KIF26A: variants seen among roughly 807,000 people sequenced by gnomAD.
KIF26A encodes kinesin-like protein KIF26A.
A neutral mutation model predicts 126.0 loss-of-function variants in KIF26A; 74 were observed. That is an observed-to-expected ratio of 0.59 (90% CI 0.49 to 0.71). The LOEUF (loss-of-function observed/expected upper bound fraction) is 0.71. Ranked by LOEUF, KIF26A falls within the 30% of genes least tolerant of loss-of-function variation. KIF26A has a pLI of 0.00. For missense variants in KIF26A, 2,984 were observed against 2,763.3 expected (o/e 1.08, Z -1.79); for synonymous variants, 1,445 against 1,232.7 (o/e 1.17, Z -3.61).
At chr14:104,140,055 C>A (rs113016847) in intron 2 of KIF26A, among the ~76,000 whole-genome samples, 1 of 152,168 alleles carries the variant, frequency 6.6e-6, no homozygotes, top group Non-Finnish European at 1.5e-5. Context: ...AGCCCGCTGC[C>A]GGGCCTTCAG....
chr14:104,168,303 G>T (rs552441937), intron 5 of KIF26A, among the ~76,000 whole-genome samples: 3 of 152,328 alleles, frequency 2.0e-5, no homozygotes, highest in African/African-American at 4.8e-5. Context: ...CCCCCTGCCC[G>T]CCCGGTGATG....
At chr14:104,165,023 C>G (rs1566860515) in intron 4 of KIF26A, among the ~76,000 whole-genome samples, 1 of 149,938 alleles carries the variant, frequency 6.7e-6, no homozygotes, top group East Asian at 2.0e-4. Context: ...GGGTGTGCCT[C>G]TGTGTGTGTC....
chr14:104,162,886 G>T (rs1162240922), intron 4 of KIF26A, among the ~76,000 whole-genome samples: 1 of 152,118 alleles, frequency 6.6e-6, no homozygotes, highest in Non-Finnish European at 1.5e-5. Flanking sequence ...AGGGTGGGGG[G>T]CTTCCCACCT....
Position 104,176,887 on chromosome 14 carries a change from C to G in KIF26A, c.4099C>G (p.Arg1367Gly), listed in dbSNP as rs753377724. 6.5e-7 allele frequency: 1 copy of G among 1,541,780 alleles called. No individual in the cohort carries two copies. Among genetic ancestry groups the G allele is most frequent in the Admixed American group, 2.0e-5 (1 of 50,928 alleles). Residue 1367 changes from arginine to glycine, a missense_variant, in exon 12 of 15, where the codon CGG becomes GGG. Arg to Gly is a moderately radical substitution (Grantham distance 125). Transcript: ENST00000423312. Reference protein sequence around the residue: ...SGAAPPAPPTRKSSLEQRSSP... With the variant: ...SGAAPPAPPTGKSSLEQRSSP... ...GGCGGCCCCCCCGGCCCCACCCACG[C>G]GGAAGTCCAGCCTGGAGCAGAGGAG...
At chr14:104,166,562 G>A (rs551090463) in intron 4 of KIF26A, among the ~76,000 whole-genome samples, 1 of 152,132 alleles carries the variant, frequency 6.6e-6, no homozygotes, top group Admixed American at 6.5e-5. Context: ...TTGGTGGGGG[G>A]ATGGCATTCA....
In KIF26A at chr14:104,173,530, C is replaced by A; in HGVS notation, c.1867+17C>A. On this transcript the variant is annotated intron_variant, in intron 9 of 14. Transcript: ENST00000423312. ...GGGGAGGAAGTAGGTGCCACACCCG[C>A]ACTCCCGGGCCCCTGTGGGATGCGT... is the stretch of plus-strand genomic sequence containing the variant. 2 of 1,535,298 alleles carry A rather than the reference C, an allele frequency of 1.3e-6. No homozygotes were observed. The highest frequency in any genetic ancestry group is 1.3e-5 in the South Asian group (1 of 79,678).
At chr14:104,171,972 C>T (rs1426681477) in intron 6 of KIF26A, 37 bp downstream of exon 6, 8 of 1,526,780 alleles carry the variant, frequency 5.2e-6, no homozygotes, top group South Asian at 2.4e-5. Flanking sequence ...CCCGGAGACC[C>T]GGAGCCGGGC....
chr14:104,175,978 C>T lies in KIF26A; in HGVS notation c.3190C>T (p.Arg1064Trp), dbSNP rs760040046. ...LASFDSDCSL[R>W]ALASGSRPVS... ...TAGCTTCGACAGTGACTGCTCCCTG[C>T]GGGCCCTGGCCTCGGGGTCCCGGCC... is the stretch of plus-strand genomic sequence containing the variant. Residue 1064 changes from arginine (R) to tryptophan (W), a missense_variant, in exon 12 of 15, where the codon CGG (arginine) becomes TGG (tryptophan). Coordinates refer to ENST00000423312, the MANE Select transcript of KIF26A (RefSeq NM_015656.2). 19 of 1,576,596 alleles carry T rather than the reference C, an allele frequency of 1.2e-5. No individual in the cohort carries two copies. The highest frequency in any genetic ancestry group is 5.3e-5 in the Admixed American group (3 of 56,748).
rs574261013 is a variant in KIF26A at position 104,152,749 on chromosome 14, C to T, written c.735+288C>T. ...CTGGGGCTGAGGGCCCACCAGTGCCCAGCACAGGGCTTGGCGATGCACAGG... is the reference window on the plus strand; with the variant it reads ...CTGGGGCTGAGGGCCCACCAGTGCCTAGCACAGGGCTTGGCGATGCACAGG... On this transcript the variant is annotated intron_variant, in intron 3 of 14. Transcript: ENST00000423312. This position sits in a 1 kb window ranked among gnomAD's most constrained non-coding sequence, Gnocchi z 5.9. Among the ~76,000 whole-genome samples, 64 of 152,342 alleles carry T rather than the reference C, an allele frequency of 4.2e-4. No individual in the cohort carries two copies. The highest frequency in any genetic ancestry group is 1.1e-3 in the African/African-American group (47 of 41,574).
chr14:104,168,471 G>T (rs1465726687), intron 5 of KIF26A, among the ~76,000 whole-genome samples: 1 of 152,208 alleles, frequency 6.6e-6, no homozygotes, highest in East Asian at 1.9e-4. Context: ...GGGCTCTGGG[G>T]CGGCCTGTGG....
At chr14:104,172,921 C>T (rs2037974261) in intron 7 of KIF26A, 56 bp from the exon 8 acceptor site, 1 of 1,502,470 alleles carries the variant, frequency 6.7e-7, no homozygotes, top group South Asian at 1.3e-5. Context: ...ACGCCAGTAG[C>T]CATAAAGGCT....
chr14:104,173,084 A>G lies in KIF26A; in HGVS notation c.1528A>G (p.Thr510Ala). The change falls in exon 8 of 15, where the codon ACG (threonine) becomes GCG (alanine). Residue 510 changes from threonine to alanine, a missense_variant. Transcript: ENST00000423312. ...FRLIEERRER[T>A]GTRFSVRVSA... ...GCTCATCGAGGAGCGCAGGGAGAGG[A>G]CGGGCACCCGCTTCTCCGTCCGGGT... 3.7e-6 allele frequency: 6 copies of G among 1,604,644 alleles called. No homozygotes were observed. The highest frequency in any genetic ancestry group is 5.1e-6 in the Non-Finnish European group (6 of 1,176,628).
At chr14:104,160,763 C>T (rs957714867) in intron 4 of KIF26A, among the ~76,000 whole-genome samples, 6 of 152,226 alleles carry the variant, frequency 3.9e-5, no homozygotes, top group African/African-American at 1.2e-4. Context: ...CTCTGAGGTA[C>T]TTCCGTCATC....
chr14:104,152,370 C>A lies in KIF26A; in HGVS notation c.644C>A (p.Ala215Glu). ...GTAGCACCTGCGGGTCTTGGAGGGG[C>A]GCTGAGCACGGTCACCATCCAGGCC... ...VSVAPAGLGG[A>E]LSTVTIQAQQ... Residue 215 changes from alanine to glutamate, a missense_variant, in exon 3 of 15, where the codon GCG (alanine) becomes GAG (glutamate). Coordinates refer to ENST00000423312, the MANE Select transcript of KIF26A (RefSeq NM_015656.2). The surrounding 1 kb of genome is among the most constrained non-coding windows in gnomAD (Gnocchi z 5.9). 1 of 1,591,316 alleles carries A rather than the reference C, an allele frequency of 6.3e-7. No individual in the cohort carries two copies. The highest frequency in any genetic ancestry group is 2.3e-5 in the East Asian group (1 of 43,712).
At position 104,176,162 on chromosome 14, in the gene KIF26A, G is replaced by A. The variant is rs114955777; in HGVS notation, c.3374G>A (p.Arg1125His). ...SEVSVCTADS[R>H]DPTPQPRFSP... Reference sequence around the variant, plus strand: ...GTCAGCGTCTGCACTGCCGACAGCCGTGACCCCACGCCGCAGCCCCGCTTC... The same window carrying A: ...GTCAGCGTCTGCACTGCCGACAGCCATGACCCCACGCCGCAGCCCCGCTTC... The change falls in exon 12 of 15, where the codon CGT (arginine) becomes CAT (histidine). Residue 1125 changes from arginine to histidine, a missense_variant. Arg to His is a conservative substitution (Grantham distance 29, BLOSUM62 0). Transcript: ENST00000423312. 29 of 1,590,066 alleles carry A rather than the reference G, an allele frequency of 1.8e-5. No homozygotes were observed. Among genetic ancestry groups the A allele is most frequent in the African/African-American group, 2.7e-5 (2 of 74,544 alleles).
intron 4 of KIF26A, among the ~76,000 whole-genome samples, chr14:104,158,806 G>A (rs1596139163): frequency 6.6e-6 from 1 of 152,230 alleles, no homozygotes; most frequent in East Asian, 1.9e-4. Context: ...TCCCGGCAGG[G>A]CCTTTGGTCC....
intron 11 of KIF26A, 46 bp from the exon 12 acceptor site, chr14:104,174,936 C>G: frequency 6.8e-7 from 1 of 1,462,020 alleles, no homozygotes; most frequent in East Asian, 2.5e-5. Flanking sequence ...GAAGCGGGGG[C>G]GTGTAGGGGA....
Position 104,177,423 on chromosome 14 carries a change from G to C in KIF26A, c.4635G>C (p.Gly1545=). 1.3e-6 allele frequency: 2 copies of C among 1,512,782 alleles called. No homozygotes were observed. Among genetic ancestry groups the C allele is most frequent in the Non-Finnish European group, 1.8e-6 (2 of 1,134,302 alleles). The allele number at this position is 1,512,782 out of a possible 1,614,324, so 93.7% of individuals were successfully genotyped here. A position where few individuals can be genotyped will look rare whatever the true frequency, so the allele number is the denominator to read the frequency against. The change falls in exon 12 of 15, where the codon GGG becomes GGC. Residue 1545 remains glycine (G), a synonymous_variant. Coordinates refer to ENST00000423312, the MANE Select transcript of KIF26A (RefSeq NM_015656.2). ...CCCCACGGGCCGGGCCCAGTGTCGGGGCGAAGGCTGGCCGGGGTACCGTCA... is the reference window on the plus strand; with the variant it reads ...CCCCACGGGCCGGGCCCAGTGTCGGCGCGAAGGCTGGCCGGGGTACCGTCA... ...RAAPRAGPSV[G]AKAGRGTVMG...
At chr14:104,155,768 C>T (rs892485432) in intron 3 of KIF26A, among the ~76,000 whole-genome samples, 24 of 152,250 alleles carry the variant, frequency 1.6e-4, no homozygotes, top group South Asian at 2.1e-4. Context: ...CCCAGCTGGC[C>T]GCAGGCCTGT....
Sources: allele counts gnomAD v4.1 joint callset (sites outside exome capture counted in the v4.1 genomes callset), GRCh38; gene constraint gnomAD v4.1.1; non-coding constraint Gnocchi (gnomAD v3.1); transcripts MANE v1.5; gene names NCBI Gene and HGNC (gene_info 2026-07-23, HGNC 2026-07-21).